SGK1: variants seen among roughly 807,000 people sequenced by gnomAD.
The protein encoded by SGK1 is serum/glucocorticoid regulated kinase 1, also known as serine/threonine-protein kinase Sgk1.
A neutral mutation model predicts 64.2 loss-of-function variants in SGK1; 26 were observed. The ratio of observed to expected loss-of-function variants is 0.40; its 90% confidence interval spans 0.30 to 0.56. The LOEUF (loss-of-function observed/expected upper bound fraction) is 0.56, where lower values mean the gene tolerates loss of function less well. SGK1 is among the 20% of genes least tolerant of loss of function. SGK1 has a pLI of 0.38. For missense variants in SGK1, 519 were observed against 645.6 expected (o/e 0.80, Z 2.12); for synonymous variants, 265 against 239.7 (o/e 1.11, Z -0.98).
At chr6:134,175,552 C>T in intron 3 of SGK1, 2 of 1,538,834 alleles carry the variant, frequency 1.3e-6, no homozygotes, top group South Asian at 2.4e-5. Context: ...ACCCAGTCCG[C>T]TCAGCAGGAA....
At chr6:134,211,605 C>A (rs141243451) in intron 2 of SGK1, 2 of 152,242 alleles carry the variant, frequency 1.3e-5, no homozygotes, top group African/African-American at 4.8e-5. Flanking sequence ...GCTAAGTGAT[C>A]TTCCTTGAAT....
intron 1 of SGK1, among the ~76,000 whole-genome samples, chr6:134,289,303 A>C (rs1777229120): frequency 6.6e-6 from 1 of 152,256 alleles, no homozygotes; most frequent in South Asian, 2.1e-4. Flanking sequence ...CAATGAATTT[A>C]AACAATATTC....
chr6:134,303,780 T>G (rs1024338122), intron 1 of SGK1, among the ~76,000 whole-genome samples: 10 of 143,494 alleles, frequency 7.0e-5, no homozygotes, highest in African/African-American at 2.7e-4. Context: ...CACGATTCTG[T>G]CTCCAAGAAA....
intron 1 of SGK1, among the ~76,000 whole-genome samples, chr6:134,316,381 G>A (rs1777684720): frequency 1.3e-5 from 2 of 152,130 alleles, no homozygotes; most frequent in East Asian, 3.9e-4. Context: ...AACCATTTTG[G>A]TGGAATTGCC....
At chr6:134,178,075 C>A (rs1416933116) in intron 3 of SGK1, among the ~76,000 whole-genome samples, 1 of 152,138 alleles carries the variant, frequency 6.6e-6, no homozygotes, top group Non-Finnish European at 1.5e-5. Context: ...AACACATGCA[C>A]AGGATTTATT....
chr6:134,283,166 TC>T, intron 1 of SGK1: 1 of 152,206 alleles, frequency 6.6e-6, no homozygotes. Context: ...CCTTCTCCAC[TC>T]CCGCTGCTTC....
intron 2 of SGK1, among the ~76,000 whole-genome samples, chr6:134,231,835 T>C (rs1419404722): frequency 6.6e-6 from 1 of 151,198 alleles, no homozygotes; most frequent in Non-Finnish European, 1.5e-5. Context: ...AGGTCAGGAG[T>C]TGAAGACCAG....
At chr6:134,236,687 A>G (rs182651603) in intron 2 of SGK1, among the ~76,000 whole-genome samples, 91 of 152,300 alleles carry the variant, frequency 6.0e-4, no homozygotes, top group Admixed American at 2.1e-3. Context: ...ACACACAACC[A>G]TTAAGGGATG....
intron 1 of SGK1, among the ~76,000 whole-genome samples, chr6:134,304,025 T>C (rs1275847473): frequency 6.6e-6 from 1 of 152,212 alleles, no homozygotes; most frequent in Non-Finnish European, 1.5e-5. Flanking sequence ...GCACTCCCTG[T>C]TAGAAGCCGG....
rs1357970008 is a variant in SGK1, at chr6:134,171,697, A to G, written c.1107T>C (p.Tyr369=). The change falls in exon 11 of 14, where the codon TAT becomes TAC. Residue 369 remains tyrosine (Y), a synonymous_variant. Coordinates refer to ENST00000367858, the MANE Select transcript of SGK1 (RefSeq NM_001143676.3). ...LAPEVLHKQP[Y]DRTVDWWCLG... ...GGCACCACCAGTCCACAGTCCTGTCATAAGGCTGCTTATGAAGCACCTCAG... is the reference window on the plus strand; with the variant it reads ...GGCACCACCAGTCCACAGTCCTGTCGTAAGGCTGCTTATGAAGCACCTCAG... 3 of 1,614,064 alleles carry G rather than the reference A, an allele frequency of 1.9e-6. No individual in the cohort carries two copies. The highest frequency in any genetic ancestry group is 2.2e-5 in the East Asian group (1 of 44,886).
intron 3 of SGK1, among the ~76,000 whole-genome samples, chr6:134,177,432 C>G (rs1363553286): frequency 6.6e-6 from 1 of 152,166 alleles, no homozygotes; most frequent in African/African-American, 2.4e-5. Flanking sequence ...CCTAGCCCAG[C>G]CTAGCTCTGC....
At chr6:134,299,899 C>T (rs1777420318) in intron 1 of SGK1, among the ~76,000 whole-genome samples, 1 of 149,940 alleles carries the variant, frequency 6.7e-6, no homozygotes, top group Non-Finnish European at 1.5e-5. Context: ...GGTCCAAATA[C>T]CTCAATTCTT....
intron 2 of SGK1, among the ~76,000 whole-genome samples, chr6:134,235,539 ATTTTTATTTATTTATT>A (rs1487941683): frequency 3.0e-5 from 4 of 131,782 alleles, no homozygotes; most frequent in African/African-American, 1.3e-4. Context: ...AAAAATAGAT[ATTTTTATTTATTTATT>A]TATTTATTTA....
chr6:134,242,670 G>T (rs1487599928), intron 2 of SGK1, among the ~76,000 whole-genome samples: 1 of 148,702 alleles, frequency 6.7e-6, no homozygotes, highest in Non-Finnish European at 1.5e-5. Context: ...TTGCTATGTT[G>T]CCCAGGCTGG....
chr6:134,290,079 G>C lies in SGK1; in HGVS notation c.69+27313C>G, dbSNP rs1054703509. 2.8e-4 allele frequency among the ~76,000 whole-genome samples: 42 copies of C among 150,796 alleles called. 1 individual carries two copies. The highest frequency in any genetic ancestry group is 9.1e-4 in the African/African-American group (37 of 40,806). ...GCAGGAGGATTGTTTGAACCCGTGA[G>C]GGGGAGGTTACAGTGAGCCGAGACC... is the stretch of plus-strand genomic sequence containing the variant. On this transcript the variant is annotated intron_variant, in intron 1 of 13. Coordinates refer to ENST00000367858, the MANE Select transcript of SGK1 (RefSeq NM_001143676.3).
At chr6:134,175,090 C>T (rs1189552181) in intron 3 of SGK1, among the ~76,000 whole-genome samples, 1 of 152,100 alleles carries the variant, frequency 6.6e-6, no homozygotes, top group Non-Finnish European at 1.5e-5. Flanking sequence ...TGGCGCAGGG[C>T]CGTTATCAGT....
intron 3 of SGK1, chr6:134,174,790 C>G (rs757603367): frequency 6.2e-7 from 1 of 1,614,202 alleles, no homozygotes; most frequent in Non-Finnish European, 8.5e-7. Context: ...CCTTAGCAGC[C>G]TCAGTTTTCA....
At chr6:134,278,128 C>T (rs1281326557) in intron 1 of SGK1, among the ~76,000 whole-genome samples, 5 of 152,206 alleles carry the variant, frequency 3.3e-5, no homozygotes, top group African/African-American at 9.6e-5. Flanking sequence ...GCTACTGTGA[C>T]TTGGAACTCT....
intron 3 of SGK1, among the ~76,000 whole-genome samples, chr6:134,183,543 T>C (rs1775364553): frequency 6.6e-6 from 1 of 152,312 alleles, no homozygotes; most frequent in African/African-American, 2.4e-5. Context: ...TTTTGTAAAA[T>C]GGAACTGCAC....
Sources: gnomAD v4.1 joint callset for allele counts (sites outside exome capture counted in the v4.1 genomes callset) on GRCh38, gnomAD v4.1.1 for gene constraint, MANE v1.5 for transcripts, NCBI Gene and HGNC (gene_info 2026-07-23, HGNC 2026-07-21) for gene names.